CYBA: variants seen among roughly 807,000 people sequenced by gnomAD.
CYBA encodes the protein cytochrome b-245 alpha chain, also known as cytochrome b-245 light chain.
Under a neutral mutation model 20.8 loss-of-function variants are expected in CYBA, and 21 were observed. The ratio of observed to expected loss-of-function variants is 1.01; its 90% confidence interval spans 0.72 to 1.46. The LOEUF is 1.46. CYBA is among the 40% of genes most tolerant of loss of function. The pLI is 0.00. For missense variants in CYBA, 344 were observed against 287.0 expected (o/e 1.20, Z -1.43); for synonymous variants, 164 against 127.5 (o/e 1.29, Z -1.93).
chr16:88,643,417 G>A lies in CYBA; in HGVS notation c.524C>T (p.Ala175Val), dbSNP rs759482101. Residue 175 changes from alanine (A) to valine (V), a missense_variant, in exon 6 of 6, where the codon GCG (alanine) becomes GTG (valine). Physicochemically the swap from Ala to Val is moderately conservative, Grantham distance 64 (BLOSUM62 0). Coordinates refer to ENST00000261623, the MANE Select transcript of CYBA (RefSeq NM_000101.4). This position sits in a 1 kb window ranked among gnomAD's most constrained non-coding sequence, Gnocchi z 4.3. The stretch of plus-strand genomic sequence containing the variant: ...GGGACCTCCCGGGGGTCCCCCCGCC[G>A]CCACCGCAGCCTCCTCCTCGCTGGG... Reference protein sequence around the residue: ...KKPSEEEAAVAAGGPPGGPQV... With the variant: ...KKPSEEEAAVVAGGPPGGPQV... The A allele has an allele frequency of 2.4e-5, 37 of 1,529,752 alleles. No homozygotes were observed. The highest frequency in any genetic ancestry group is 1.3e-4 in the East Asian group (5 of 39,940). 94.8% of individuals were successfully genotyped at this position (1,529,752 alleles called of 1,614,324 possible).
At chr16:88,645,699 C>T (rs758477065) in intron 5 of CYBA, 6 of 554,822 alleles carry the variant, frequency 1.1e-5, no homozygotes, top group South Asian at 2.1e-5. Context: ...AAAATGTCTG[C>T]GTCCTGGCAC....
chr16:88,646,993 G>T, intron 3 of CYBA, 108 bp downstream of exon 3: 1 of 1,234,716 alleles, frequency 8.1e-7, no homozygotes, highest in Non-Finnish European at 1.2e-6. Context: ...AAGCACCAAA[G>T]GGTTGGTTCC....
chr16:88,649,141 G>T (rs72558365), intron 1 of CYBA, among the ~76,000 whole-genome samples: 4 of 149,022 alleles, frequency 2.7e-5, no homozygotes, highest in Non-Finnish European at 4.4e-5. Flanking sequence ...GTTTCACTGT[G>T]TTAGCCAGGA....
At chr16:88,647,263 C>T (rs1046064450) in intron 2 of CYBA, 88 bp from the exon 3 acceptor site, 22 of 1,291,164 alleles carry the variant, frequency 1.7e-5, no homozygotes, top group East Asian at 1.2e-4. Context: ...GAGAGGGGCC[C>T]GAGCACGGTG....
At position 88,643,427 on chromosome 16, in the gene CYBA, C is replaced by T. The variant is rs889276822; in HGVS notation, c.514G>A (p.Ala172Thr). 1 of 1,535,190 alleles carries T rather than the reference C, an allele frequency of 6.5e-7. No homozygotes were observed. Among genetic ancestry groups the T allele is most frequent in the Non-Finnish European group, 8.7e-7 (1 of 1,143,850 alleles). ...EARKKPSEEEAAVAAGGPPGG... is the reference protein window; with the variant it reads ...EARKKPSEEETAVAAGGPPGG... Reference sequence around the variant, plus strand: ...GGGGGTCCCCCCGCCGCCACCGCAGCCTCCTCCTCGCTGGGCTTCTTGCGG... The same window carrying T: ...GGGGGTCCCCCCGCCGCCACCGCAGTCTCCTCCTCGCTGGGCTTCTTGCGG... Residue 172 changes from alanine to threonine, a missense_variant, in exon 6 of 6, where the codon GCT (alanine) becomes ACT (threonine). By Grantham distance (58) the Ala-to-Thr change is moderately conservative. Transcript: ENST00000261623. The surrounding 1 kb of genome is among the most constrained non-coding windows in gnomAD (Gnocchi z 4.3).
intron 1 of CYBA, among the ~76,000 whole-genome samples, chr16:88,649,445 G>A (rs138930614): frequency 6.6e-6 from 1 of 152,314 alleles, no homozygotes; most frequent in East Asian, 1.9e-4. Flanking sequence ...CAAAGCTGCC[G>A]CTGGTGCCAC....
At chr16:88,645,618 TC>T (rs1567608552) in intron 5 of CYBA, 2 of 598,352 alleles carry the variant, frequency 3.3e-6, no homozygotes, top group Non-Finnish European at 3.0e-6. Context: ...GATCACTGTA[TC>T]CCATGGGATG....
intron 5 of CYBA, among the ~76,000 whole-genome samples, chr16:88,644,268 T>A (rs1447994907): frequency 6.6e-6 from 1 of 152,078 alleles, no homozygotes; most frequent in Non-Finnish European, 1.5e-5. Flanking sequence ...AACGGAAACA[T>A]TCCATTCTGA....
intron 1 of CYBA, among the ~76,000 whole-genome samples, chr16:88,648,897 G>GTGTAGCCACCTTGCCCTGCCAGC: frequency 6.7e-6 from 1 of 149,690 alleles, no homozygotes; most frequent in Non-Finnish European, 1.5e-5. Flanking sequence ...GGGATTACAG[G>GTGTAGCCACCTTGCCCTGCCAGC]CATGAGCCAC....
At chr16:88,646,551 G>A (rs769457904) in intron 4 of CYBA, 8 of 703,182 alleles carry the variant, frequency 1.1e-5, no homozygotes, top group East Asian at 2.7e-5. Flanking sequence ...GGAGCTCCTC[G>A]GATTTGGAGT....
In CYBA at chr16:88,646,491, G is replaced by A. The variant is rs1597372087; in HGVS notation, c.287+264C>T. 3 of 697,902 alleles carry A rather than the reference G, an allele frequency of 4.3e-6. No homozygotes were observed. In the East Asian group the frequency reaches 8.1e-5, roughly 19 times the overall value. 43.2% of individuals were successfully genotyped at this position (697,902 alleles called of 1,614,324 possible). The stretch of plus-strand genomic sequence containing the variant: ...ACCCTCCACCCTACCAGGAAGCCCA[G>A]GCAAGACCCCCCAGCAGTGCATGCT... On this transcript the variant is annotated intron_variant, in intron 4 of 5. Transcript: ENST00000261623.
At chr16:88,648,641 G>A (rs372647439) in intron 1 of CYBA, among the ~76,000 whole-genome samples, 13 of 148,050 alleles carry the variant, frequency 8.8e-5, no homozygotes, top group African/African-American at 3.0e-4. Context: ...TTTTCGAGAC[G>A]GAGTCTTGCT....
Position 88,643,499 on chromosome 16 carries a change from T to G in CYBA, c.442A>C (p.Ile148Leu). 1 of 1,534,088 alleles carries G rather than the reference T, an allele frequency of 6.5e-7. No individual in the cohort carries two copies. The highest frequency in any genetic ancestry group is 8.7e-7 in the Non-Finnish European group (1 of 1,145,890). Residue 148 changes from isoleucine to leucine, a missense_variant, in exon 6 of 6, where the codon ATC (isoleucine) becomes CTC (leucine). Physicochemically the swap from Ile to Leu is conservative, Grantham distance 5. Transcript: ENST00000261623. The surrounding 1 kb of genome is among the most constrained non-coding windows in gnomAD (Gnocchi z 4.3). ...PRERPQIGGT[I>L]KQPPSNPPPR... ...GGGGGGTTGCTGGGCGGCTGCTTGA[T>G]GGTGCCTCCGATCTGCGGCCGCTCC...
chr16:88,650,756 T>A, intron 1 of CYBA, 200 bp downstream of exon 1: 1 of 630,544 alleles, frequency 1.6e-6, no homozygotes, highest in South Asian at 1.8e-5. Context: ...AGGGAATTAC[T>A]GGGGGTCTCA....
chr16:88,643,299 G>C lies in CYBA; in HGVS notation c.*54C>G. 7.5e-7 allele frequency: 1 copy of C among 1,329,406 alleles called. No homozygotes were observed. The highest frequency in any genetic ancestry group is 1.0e-6 in the Non-Finnish European group (1 of 997,560). 82.4% of individuals were successfully genotyped at this position (1,329,406 alleles called of 1,614,324 possible). On this transcript the variant is annotated 3_prime_UTR_variant, in exon 6 of 6. Transcript: ENST00000261623. This position sits in a 1 kb window ranked among gnomAD's most constrained non-coding sequence, Gnocchi z 4.3. ...CAGAGGCTCACGCGCTCCCGGCTTCGCTGCATTTATTGCAGGTGGGTGCAC... is the reference window on the plus strand; with the variant it reads ...CAGAGGCTCACGCGCTCCCGGCTTCCCTGCATTTATTGCAGGTGGGTGCAC...
intron 1 of CYBA, among the ~76,000 whole-genome samples, chr16:88,648,324 G>C (rs967252901): frequency 5.3e-5 from 8 of 152,208 alleles, no homozygotes; most frequent in Non-Finnish European, 7.4e-5. Context: ...GGCGGAGGGG[G>C]TGCTGGACAT....
rs1049254 is a variant in CYBA at position 88,643,420 on chromosome 16, A to G, written c.521T>C (p.Val174Ala). 0.63 allele frequency: 957,549 copies of G among 1,530,710 alleles called. 302,624 individuals are homozygous for G. Among genetic ancestry groups the G allele is most frequent in the African/African-American group, 0.83 (59,603 of 71,540 alleles). The allele number at this position is 1,530,710 out of a possible 1,614,324, so 94.8% of individuals were successfully genotyped here. A position where few individuals can be genotyped will look rare whatever the true frequency, so the allele number is the denominator to read the frequency against. ...RKKPSEEEAA[V>A]AAGGPPGGPQ... Reference sequence around the variant, plus strand: ...ACCTCCCGGGGGTCCCCCCGCCGCCACCGCAGCCTCCTCCTCGCTGGGCTT... The same window carrying G: ...ACCTCCCGGGGGTCCCCCCGCCGCCGCCGCAGCCTCCTCCTCGCTGGGCTT... Residue 174 changes from valine (V) to alanine (A), a missense_variant, in exon 6 of 6, where the codon GTG (valine) becomes GCG (alanine). Coordinates refer to ENST00000261623, the MANE Select transcript of CYBA (RefSeq NM_000101.4). This position sits in a 1 kb window ranked among gnomAD's most constrained non-coding sequence, Gnocchi z 4.3.
At chr16:88,644,720 G>A (rs576709195) in intron 5 of CYBA, 2 of 187,648 alleles carry the variant, frequency 1.1e-5, no homozygotes, top group South Asian at 1.0e-4. Context: ...AGCTACTCGG[G>A]AGGCTGAGGC....
rs560810774 is a variant in CYBA, at chr16:88,643,575, C to A, written c.370-4G>T. 2 of 1,532,348 alleles carry A rather than the reference C, an allele frequency of 1.3e-6. No individual in the cohort carries two copies. Among genetic ancestry groups the A allele is most frequent in the South Asian group, 2.4e-5 (2 of 83,920 alleles). 94.9% of individuals were successfully genotyped at this position (1,532,348 alleles called of 1,614,324 possible). A position where few individuals can be genotyped will look rare whatever the true frequency, so the allele number is the denominator to read the frequency against. On this transcript the variant is annotated splice_region_variant and splice_polypyrimidine_tract_variant and intron_variant, in intron 5 of 5. Transcript: ENST00000261623. The surrounding 1 kb of genome is among the most constrained non-coding windows in gnomAD (Gnocchi z 4.3). ...ACTGCTCGCCACGCACAGCCGCCTG[C>A]GGGGCACTGAAGGGTTGAGCCGCGC...
Sources: gnomAD v4.1 joint callset for allele counts (sites outside exome capture counted in the v4.1 genomes callset) on GRCh38, gnomAD v4.1.1 for gene constraint, Gnocchi (gnomAD v3.1) non-coding constraint, MANE v1.5 for transcripts, NCBI Gene and HGNC (gene_info 2026-07-23, HGNC 2026-07-21) for gene names.